The following CSMD1 variants were observed in gnomAD, a reference collection of about 807,000 sequenced individuals.
CSMD1 encodes the protein CUB and Sushi multiple domains 1, also known as CUB and sushi domain-containing protein 1.
Under a neutral mutation model 417.5 loss-of-function variants are expected in CSMD1, and 213 were observed. The observed-to-expected ratio is 0.51, with a 90% CI of 0.46 to 0.57. CSMD1 has a LOEUF of 0.57. Ranked by LOEUF, CSMD1 falls within the 20% of genes least tolerant of loss-of-function variation. CSMD1 has a pLI of 0.00. For missense variants in CSMD1, 6,923 were observed against 4,529.7 expected (o/e 1.53, Z -15.17); for synonymous variants, 2,862 against 1,736.8 (o/e 1.65, Z -16.11).
At chr8:4,578,724 T>C (rs368750043) in intron 2 of CSMD1, among the ~76,000 whole-genome samples, 19 of 147,086 alleles carry the variant, frequency 1.3e-4, no homozygotes, top group African/African-American at 3.6e-4. Context: ...TGAGGCAAGA[T>C]AATTGCTTGA....
At chr8:3,243,402 G>A (rs1421338834) in intron 26 of CSMD1, among the ~76,000 whole-genome samples, 1 of 151,682 alleles carries the variant, frequency 6.6e-6, no homozygotes, top group Non-Finnish European at 1.5e-5. Flanking sequence ...GTGCAGGTGG[G>A]CTGAGTCCGA....
intron 46 of CSMD1, among the ~76,000 whole-genome samples, chr8:3,103,512 T>G (rs10087050): frequency 0.99 from 150,579 of 152,132 alleles, 74,527 homozygotes; most frequent in East Asian, 1. Flanking sequence ...ATCTCAACAT[T>G]GAAAAGGTAA....
chr8:3,161,426 G>C (rs1819883692), intron 38 of CSMD1, among the ~76,000 whole-genome samples: 1 of 152,000 alleles, frequency 6.6e-6, no homozygotes, highest in Non-Finnish European at 1.5e-5. Context: ...AGACCAGCTT[G>C]GCCAACATGG....
At chr8:3,372,470 G>A (rs955736077) in intron 18 of CSMD1, among the ~76,000 whole-genome samples, 1 of 152,176 alleles carries the variant, frequency 6.6e-6, no homozygotes, top group African/African-American at 2.4e-5. Context: ...GTGAAGGGAG[G>A]AAGGTGGTCA....
At position 3,087,276 on chromosome 8, in the gene CSMD1, C is replaced by A. The variant is rs1814605768; in HGVS notation, c.7295G>T (p.Cys2432Phe). ...GFKIRYAAPYCSLTHPLKNGG... is the reference protein window; with the variant it reads ...GFKIRYAAPYFSLTHPLKNGG... ...ATTCTTCAGGGGGTGGGTCAAACTG[C>A]AGTAAGGTGCTGTGGGCAGACAGAC... The change falls in exon 49 of 70, where the codon TGC becomes TTC. Residue 2432 changes from cysteine to phenylalanine, a missense_variant. Coordinates refer to ENST00000635120, the MANE Select transcript of CSMD1 (RefSeq NM_033225.6). 6.2e-7 allele frequency: 1 copy of A among 1,613,714 alleles called. No individual in the cohort carries two copies. The highest frequency in any genetic ancestry group is 8.5e-7 in the Non-Finnish European group (1 of 1,179,686).
chr8:4,239,935 A>T (rs1802290630), intron 3 of CSMD1, among the ~76,000 whole-genome samples: 1 of 152,208 alleles, frequency 6.6e-6, no homozygotes, highest in Non-Finnish European at 1.5e-5. Flanking sequence ...GTAAGTCATA[A>T]CAAAAAATAA....
chr8:4,003,719 G>A (rs939063220), intron 4 of CSMD1, among the ~76,000 whole-genome samples: 2 of 152,114 alleles, frequency 1.3e-5, no homozygotes, highest in South Asian at 4.1e-4. Flanking sequence ...TGCTTCAGGC[G>A]ATTTACCAAC....
intron 7 of CSMD1, among the ~76,000 whole-genome samples, chr8:3,675,097 T>C (rs1040154151): frequency 3.9e-5 from 6 of 152,208 alleles, no homozygotes; most frequent in African/African-American, 1.4e-4. Context: ...AACGCCATCT[T>C]GAAGAGATGC....
chr8:4,400,042 A>G (rs1316258548), intron 3 of CSMD1, among the ~76,000 whole-genome samples: 1 of 152,190 alleles, frequency 6.6e-6, no homozygotes, highest in Non-Finnish European at 1.5e-5. Context: ...ACACACACAT[A>G]ATTAACTTAT....
At chr8:3,120,706 G>GGGT (rs534643843) in intron 41 of CSMD1, among the ~76,000 whole-genome samples, 2 of 147,344 alleles carry the variant, frequency 1.4e-5, no homozygotes, top group African/African-American at 5.2e-5. Flanking sequence ...AATTAGCCAG[G>GGGT]GGGGGTGACC....
At chr8:4,428,962 C>G (rs1797716228) in intron 2 of CSMD1, among the ~76,000 whole-genome samples, 1 of 152,096 alleles carries the variant, frequency 6.6e-6, no homozygotes, top group Non-Finnish European at 1.5e-5. Context: ...GATCCACCTG[C>G]CTCATCCTCC....
intron 12 of CSMD1, among the ~76,000 whole-genome samples, chr8:3,430,197 T>G (rs762213501): frequency 8.5e-5 from 13 of 152,192 alleles, no homozygotes; most frequent in Non-Finnish European, 1.0e-4. Context: ...CTTCCCTCTT[T>G]GATACATCTT....
chr8:4,834,397 T>A (rs961786416), intron 1 of CSMD1, among the ~76,000 whole-genome samples: 1 of 152,024 alleles, frequency 6.6e-6, no homozygotes, highest in African/African-American at 2.4e-5. Context: ...GCAATATAGC[T>A]CTAAGTCCTA....
intron 2 of CSMD1, among the ~76,000 whole-genome samples, chr8:4,518,820 C>G (rs1803268982): frequency 6.6e-6 from 1 of 151,680 alleles, no homozygotes. Context: ...AAAATAAAAT[C>G]TAAGTAAATT....
chr8:4,774,138 G>A (rs1796731904), intron 1 of CSMD1, among the ~76,000 whole-genome samples: 1 of 152,174 alleles, frequency 6.6e-6, no homozygotes, highest in Admixed American at 6.5e-5. Flanking sequence ...AGGTGGAGGT[G>A]GCAGTGAGCC....
intron 17 of CSMD1, among the ~76,000 whole-genome samples, chr8:3,389,772 T>C (rs1171687595): frequency 6.6e-6 from 1 of 152,208 alleles, no homozygotes; most frequent in African/African-American, 2.4e-5. Flanking sequence ...CGAATTAAAA[T>C]GTTGAATTAT....
chr8:3,802,955 G>C (rs1017513619), intron 5 of CSMD1, among the ~76,000 whole-genome samples: 1 of 152,068 alleles, frequency 6.6e-6, no homozygotes, highest in East Asian at 1.9e-4. Flanking sequence ...AAAATAATCA[G>C]CCAAAAATGT....
intron 52 of CSMD1, among the ~76,000 whole-genome samples, chr8:3,004,936 C>A (rs547015321): frequency 6.6e-6 from 1 of 152,090 alleles, no homozygotes; most frequent in Admixed American, 6.5e-5. Context: ...GTCAGGAGTT[C>A]GAGACCAGCC....
chr8:4,593,445 C>A (rs1800090563), intron 2 of CSMD1, among the ~76,000 whole-genome samples: 1 of 152,104 alleles, frequency 6.6e-6, no homozygotes, highest in Admixed American at 6.6e-5. Flanking sequence ...CCCTTAAGCA[C>A]AGGAGAATGG....
Sources: allele counts gnomAD v4.1 joint callset (sites outside exome capture counted in the v4.1 genomes callset), GRCh38; gene constraint gnomAD v4.1.1; transcripts MANE v1.5; gene names NCBI Gene and HGNC (gene_info 2026-07-23, HGNC 2026-07-21).